Variants in SPDYE5 observed in about 807,000 individuals in gnomAD.
The protein encoded by SPDYE5 is speedy protein E5.
SPDYE5 carries 15 observed loss-of-function variants against 48.5 expected under a neutral mutation model. That is an observed-to-expected ratio of 0.31 (90% CI 0.21 to 0.48). The LOEUF is 0.48. SPDYE5 is among the 20% of genes least tolerant of loss of function. The pLI is 0.99. For synonymous variants in SPDYE5, 116 were observed against 200.7 expected, an observed-to-expected ratio of 0.58 and a Z score of 3.57; for missense variants, 331 against 549.1, an observed-to-expected ratio of 0.60 and a Z score of 3.97.
rs1289556731 is a variant in SPDYE5, at chr7:75,493,934, G to A, written c.-114G>A. ...GAGGGACCGGACTCCGTGGTGCCTG[G>A]AGATCAGTTGGACAACAGTATCTTC... On this transcript the variant is annotated 5_prime_UTR_variant, in exon 2 of 9. The change creates a premature stop within an existing upstream ORF in the 5' untranslated region. Coordinates refer to ENST00000625065, the MANE Select transcript of SPDYE5 (RefSeq NM_001306141.4). 6.7e-7 allele frequency: 1 copy of A among 1,493,186 alleles called. No homozygotes were observed. The highest frequency in any genetic ancestry group is 1.4e-5 in the African/African-American group (1 of 71,498). 92.5% of individuals were successfully genotyped at this position (1,493,186 alleles called of 1,614,324 possible).
chr7:75,503,250 G>C lies in SPDYE5; in HGVS notation c.*463G>C, dbSNP rs1793215199. 1 of 314,776 alleles carries C rather than the reference G, an allele frequency of 3.2e-6. No individual in the cohort carries two copies. The highest frequency in any genetic ancestry group is 4.7e-5 in the Admixed American group (1 of 21,192). 19.5% of individuals were successfully genotyped at this position (314,776 alleles called of 1,614,324 possible). ...TCTTCTGTGAAATATCAGTGCCACA[G>C]ATTGTAACAGATAGCTTCATGCACA... On this transcript the variant is annotated 3_prime_UTR_variant, in exon 9 of 9. Coordinates refer to ENST00000625065, the MANE Select transcript of SPDYE5 (RefSeq NM_001306141.4).
intron 8 of SPDYE5, among the ~76,000 whole-genome samples, chr7:75,502,220 G>A (rs1307591284): frequency 4.1e-5 from 6 of 147,066 alleles, no homozygotes; most frequent in African/African-American, 1.3e-4. Context: ...CCCTGATCCT[G>A]CCACTGCACT....
chr7:75,502,965 T>A lies in SPDYE5; in HGVS notation c.*178T>A. Reference sequence around the variant, plus strand: ...GAACCTGGACCATTCTTGATGGAGCTGAATACAGTGATCACGTTGTCCTCC... The same window carrying A: ...GAACCTGGACCATTCTTGATGGAGCAGAATACAGTGATCACGTTGTCCTCC... On this transcript the variant is annotated 3_prime_UTR_variant, in exon 9 of 9. Transcript: ENST00000625065. 1.6e-6 allele frequency: 1 copy of A among 618,602 alleles called. No homozygotes were observed. The highest frequency in any genetic ancestry group is 2.6e-6 in the Non-Finnish European group (1 of 379,202). 38.3% of individuals were successfully genotyped at this position (618,602 alleles called of 1,614,324 possible).
upstream of SPDYE5, among the ~76,000 whole-genome samples, chr7:75,492,137 CAG>C (rs1360846128): frequency 1.3e-5 from 2 of 151,982 alleles, no homozygotes; most frequent in Non-Finnish European, 2.9e-5. Flanking sequence ...TGGGTTAAAT[CAG>C]AGATTTTCAT....
intron 3 of SPDYE5, among the ~76,000 whole-genome samples, chr7:75,496,385 T>TCAA (rs1300121187): frequency 1.2e-5 from 1 of 82,358 alleles, no homozygotes; most frequent in Non-Finnish European, 2.3e-5. Context: ...AGACTGTTTC[T>TCAA]CAACAACAAC....
At chr7:75,502,456 T>C (rs1233329398) in intron 8 of SPDYE5, among the ~76,000 whole-genome samples, 3 of 152,140 alleles carry the variant, frequency 2.0e-5, no homozygotes, top group East Asian at 1.9e-4. Flanking sequence ...GTTCGTGATG[T>C]TGTCACATTA....
chr7:75,492,208 T>C (rs1256972622), upstream of SPDYE5, among the ~76,000 whole-genome samples: 2 of 152,124 alleles, frequency 1.3e-5, no homozygotes, highest in Non-Finnish European at 2.9e-5. Context: ...TTTGAAAGCC[T>C]GTTAACTAGG....
chr7:75,497,535 TCTTA>T (rs1484054945), intron 4 of SPDYE5, among the ~76,000 whole-genome samples: 2 of 149,362 alleles, frequency 1.3e-5, no homozygotes, highest in Admixed American at 6.7e-5. Context: ...ACTTAATGTC[TCTTA>T]CTGACTTTTC....
At chr7:75,492,751 G>T (rs587712324) in intron 1 of SPDYE5, among the ~76,000 whole-genome samples, 1 of 151,230 alleles carries the variant, frequency 6.6e-6, no homozygotes. Flanking sequence ...GAACCCACAG[G>T]TTTTTTGGAT....
chr7:75,495,000 C>T, intron 2 of SPDYE5, 156 bp from the exon 3 acceptor site: 1 of 1,418,250 alleles, frequency 7.1e-7, no homozygotes, highest in Non-Finnish European at 9.3e-7. Flanking sequence ...AGGAGCGGCA[C>T]ATGGGGTTGA....
upstream of SPDYE5, among the ~76,000 whole-genome samples, chr7:75,492,139 G>C (rs1332165278): frequency 2.6e-5 from 4 of 152,090 alleles, no homozygotes. Context: ...GGTTAAATCA[G>C]AGATTTTCAT....
At chr7:75,491,916 T>A (rs1554481798), upstream of SPDYE5, among the ~76,000 whole-genome samples, 1 of 151,780 alleles carries the variant, frequency 6.6e-6, no homozygotes, top group African/African-American at 2.4e-5. Flanking sequence ...GATTTAAACA[T>A]GTTGGACAGG....
intron 2 of SPDYE5, among the ~76,000 whole-genome samples, chr7:75,494,634 C>G (rs1792860661): frequency 6.6e-6 from 1 of 151,894 alleles, no homozygotes; most frequent in South Asian, 2.1e-4. Context: ...CACCTGTAAC[C>G]CCAGAACTTT....
At chr7:75,498,146 A>G (rs1554482910) in intron 5 of SPDYE5, 150 bp downstream of exon 5, 1 of 1,111,858 alleles carries the variant, frequency 9.0e-7, no homozygotes, top group Non-Finnish European at 1.2e-6. Flanking sequence ...TTTTTGTGAG[A>G]CAGAATCTTG....
intron 6 of SPDYE5, among the ~76,000 whole-genome samples, chr7:75,500,698 C>CTGTT (rs782670615): frequency 2.3e-4 from 35 of 152,074 alleles, no homozygotes; most frequent in South Asian, 4.2e-4. Flanking sequence ...CACACCTGGA[C>CTGTT]TGTTTGTTTG....
chr7:75,492,552 C>T (rs1402055687), intron 1 of SPDYE5, among the ~76,000 whole-genome samples, 111 bp downstream of exon 1: 2 of 151,736 alleles, frequency 1.3e-5, no homozygotes, highest in Non-Finnish European at 2.9e-5. Flanking sequence ...GATTCTCCAG[C>T]TCCCTCTCCT....
intron 6 of SPDYE5, among the ~76,000 whole-genome samples, chr7:75,500,863 G>A (rs1333037850): frequency 5.9e-5 from 9 of 151,960 alleles, no homozygotes; most frequent in East Asian, 5.8e-4. Flanking sequence ...GTGTGCCACC[G>A]CACCAGGCTG....
rs782014493 is a variant in SPDYE5, at chr7:75,495,175, C to A, written c.180C>A (p.Ser60Arg). 23 of 1,596,962 alleles carry A rather than the reference C, an allele frequency of 1.4e-5. No individual in the cohort carries two copies. In the African/African-American group the frequency reaches 2.5e-4, roughly 18 times the overall value. The change falls in exon 3 of 9, where the codon AGC (serine) becomes AGA (arginine). Residue 60 changes from serine (S) to arginine (R), a missense_variant. Around this residue, in one of 8 missense-constraint regions of SPDYE5, gnomAD observed 65 missense variants for 138.2 expected, o/e 0.47. Transcript: ENST00000625065. ...LGPSAPGVDP[S>R]PPCRSLGWKR... ...ACTCAGCCCCTGGGGTAGATCCCAG[C>A]CCCCCATGTAGGTCCCTTGGCTGGA...
intron 3 of SPDYE5, among the ~76,000 whole-genome samples, chr7:75,496,422 A>G (rs1554482554): frequency 1.5e-5 from 2 of 131,120 alleles, no homozygotes; most frequent in African/African-American, 5.6e-5. Context: ...AAAAAAAAAA[A>G]AAGGGACTCA....
Sources: gnomAD v4.1 joint callset for allele counts (sites outside exome capture counted in the v4.1 genomes callset) on GRCh38, gnomAD v4.1.1 for gene constraint, gnomAD v4.1.1 regional missense constraint, MANE v1.5 for transcripts, NCBI Gene and HGNC (gene_info 2026-07-23, HGNC 2026-07-21) for gene names.